RHOU: variants seen among roughly 807,000 people sequenced by gnomAD.
RHOU encodes rho-related GTP-binding protein RhoU.
In RHOU, 8 loss-of-function variants were observed where a neutral mutation model predicts 12.6. The ratio of observed to expected loss-of-function variants is 0.64; its 90% CI spans 0.37 to 1.15. RHOU has a LOEUF of 1.15. Among genes scored for constraint, RHOU ranks in the 50% most tolerant of loss-of-function variants. The pLI, the probability that RHOU is intolerant of heterozygous loss-of-function variation, is 0.01. For synonymous variants in RHOU, 161 were observed against 147.4 expected, an observed-to-expected ratio of 1.09 and a Z score of -0.67; for missense variants, 258 against 347.0, an observed-to-expected ratio of 0.74 and a Z score of 2.04.
At chr1:228,691,085 A>AT in the RHOU span, among the ~76,000 whole-genome samples, 12,790 of 149,374 alleles carry the variant, frequency 0.086, 1,276 homozygotes, top group African/African-American at 0.23. Flanking sequence ...TCAGCTTATA[A>AT]TTTTTTTTTT....
chr1:228,669,752 G>C, the RHOU span, among the ~76,000 whole-genome samples: 20 of 152,188 alleles, frequency 1.3e-4, no homozygotes, highest in African/African-American at 4.8e-4. Context: ...GTATGGAGAA[G>C]AGTATAATTT....
chr1:228,652,828 A>C, the RHOU span, among the ~76,000 whole-genome samples: 1 of 152,154 alleles, frequency 6.6e-6, no homozygotes, highest in Non-Finnish European at 1.5e-5. Flanking sequence ...TTGTTTCCCA[A>C]ATTTAAGAAA....
chr1:228,702,466 C>T, the RHOU span, among the ~76,000 whole-genome samples: 6 of 152,162 alleles, frequency 3.9e-5, no homozygotes, highest in African/African-American at 1.4e-4. Flanking sequence ...TCATTTTGAG[C>T]TTGACTGTGC....
the RHOU span, among the ~76,000 whole-genome samples, chr1:228,688,238 C>T: frequency 6.6e-6 from 1 of 152,156 alleles, no homozygotes; most frequent in African/African-American, 2.4e-5. Flanking sequence ...ACTCATGCCT[C>T]CCACTGCCTT....
the RHOU span, among the ~76,000 whole-genome samples, chr1:228,703,483 G>A: frequency 2.3e-4 from 34 of 151,010 alleles, no homozygotes; most frequent in East Asian, 5.1e-3. Flanking sequence ...CTGAGATCGC[G>A]CCACTGCACT....
chr1:228,657,394 C>T, the RHOU span, among the ~76,000 whole-genome samples: 1 of 145,134 alleles, frequency 6.9e-6, no homozygotes, highest in Non-Finnish European at 1.5e-5. Flanking sequence ...TAATATCAGA[C>T]AAAACAGACT....
the RHOU span, among the ~76,000 whole-genome samples, chr1:228,692,583 C>T: frequency 6.6e-6 from 1 of 151,910 alleles, no homozygotes; most frequent in Admixed American, 6.6e-5. Context: ...TTTTTCTTTT[C>T]TGGCGATTCT....
Position 228,745,505 on chromosome 1 carries a change from G to A in RHOU, c.*1765G>A, listed in dbSNP as rs1242440534. On this transcript the variant is annotated 3_prime_UTR_variant, in exon 3 of 3. Coordinates refer to ENST00000366691, the MANE Select transcript of RHOU (RefSeq NM_021205.6). ...TAGGTTAGGGGTTCTATTTATTCCT[G>A]TTAGTAAATAAAATTAACAAATTTC... 1.3e-5 allele frequency: 2 copies of A among 152,172 alleles called. No homozygotes were observed. The highest frequency in any genetic ancestry group is 2.1e-4 in the South Asian group (1 of 4,832). 9.4% of individuals were successfully genotyped at this position (152,172 alleles called of 1,614,324 possible).
At chr1:228,664,357 A>G in the RHOU span, among the ~76,000 whole-genome samples, 1 of 152,036 alleles carries the variant, frequency 6.6e-6, no homozygotes, top group Non-Finnish European at 1.5e-5. Flanking sequence ...TTGCAGCCCA[A>G]GTAAGCTTCC....
At chr1:228,714,532 G>A in the RHOU span, among the ~76,000 whole-genome samples, 1 of 151,982 alleles carries the variant, frequency 6.6e-6, no homozygotes, top group East Asian at 1.9e-4. Context: ...ATTTCAACAA[G>A]TCAATTTTGG....
chr1:228,707,128 A>ATATATATATGTG, the RHOU span, among the ~76,000 whole-genome samples: 12 of 67,586 alleles, frequency 1.8e-4, no homozygotes, highest in Middle Eastern at 8.8e-3. Flanking sequence ...ATATATATAC[A>ATATATATATGTG]TATATATATA....
chr1:228,701,010 G>A, the RHOU span, among the ~76,000 whole-genome samples: 1 of 152,092 alleles, frequency 6.6e-6, no homozygotes, highest in South Asian at 2.1e-4. Flanking sequence ...GATTGCATGA[G>A]TCTGGGAAGT....
At chr1:228,683,622 G>T in the RHOU span, among the ~76,000 whole-genome samples, 1 of 152,152 alleles carries the variant, frequency 6.6e-6, no homozygotes, top group Non-Finnish European at 1.5e-5. Flanking sequence ...AGACAAATTT[G>T]CTGACAGCAT....
the RHOU span, among the ~76,000 whole-genome samples, chr1:228,671,274 G>A: frequency 2.6e-5 from 4 of 152,076 alleles, no homozygotes; most frequent in Non-Finnish European, 4.4e-5. Flanking sequence ...CAAAGTTCTA[G>A]GATTACAGGT....
Position 228,743,721 on chromosome 1 carries a change from A to G in RHOU, c.758A>G (p.Lys253Arg). The G allele has an allele frequency of 6.2e-7, 1 of 1,612,712 alleles. No individual in the cohort carries two copies. Among genetic ancestry groups the G allele is most frequent in the Non-Finnish European group, 8.5e-7 (1 of 1,179,292 alleles). ...MKNLSKSWWK[K>R]YCCFV ...AACCTCTCCAAGTCCTGGTGGAAGA[A>G]GTACTGCTGTTTCGTATGATGCTGG... The change falls in exon 3 of 3, where the codon AAG (lysine) becomes AGG (arginine). Residue 253 changes from lysine (K) to arginine (R), a missense_variant. By Grantham distance (26) the Lys-to-Arg change is conservative. Coordinates refer to ENST00000366691, the MANE Select transcript of RHOU (RefSeq NM_021205.6). The surrounding 1 kb of genome is among the most constrained non-coding windows in gnomAD (Gnocchi z 5.1).
the RHOU span, among the ~76,000 whole-genome samples, chr1:228,657,511 C>A: frequency 6.6e-6 from 1 of 152,018 alleles, no homozygotes; most frequent in Non-Finnish European, 1.5e-5. Context: ...CACCTAGTAA[C>A]AGACCATTAA....
chr1:228,667,321 A>G, the RHOU span, among the ~76,000 whole-genome samples: 1 of 152,366 alleles, frequency 6.6e-6, no homozygotes, highest in South Asian at 2.1e-4. Flanking sequence ...GAACAGTGGA[A>G]GCCCAGAGGG....
chr1:228,662,891 G>C, the RHOU span, among the ~76,000 whole-genome samples: 1 of 151,806 alleles, frequency 6.6e-6, no homozygotes, highest in Non-Finnish European at 1.5e-5. Flanking sequence ...CACCCTCAAG[G>C]GTCTAAAGAA....
the RHOU span, among the ~76,000 whole-genome samples, chr1:228,690,098 A>C: frequency 6.6e-6 from 1 of 152,170 alleles, no homozygotes; most frequent in Non-Finnish European, 1.5e-5. Context: ...CTAAGTGTTA[A>C]AGAGCTACCT....
Sources: gnomAD v4.1 joint callset for allele counts (sites outside exome capture counted in the v4.1 genomes callset) on GRCh38, gnomAD v4.1.1 for gene constraint, Gnocchi (gnomAD v3.1) non-coding constraint, MANE v1.5 for transcripts, NCBI Gene and HGNC (gene_info 2026-07-23, HGNC 2026-07-21) for gene names.